Variants in ADAMTS14 observed in about 807,000 individuals in gnomAD.
The protein encoded by ADAMTS14 is A disintegrin and metalloproteinase with thrombospondin motifs 14.
In ADAMTS14, 100 loss-of-function variants were observed where a neutral mutation model predicts 128.6. The observed-to-expected ratio is 0.78, with a 90% CI of 0.66 to 0.92. The LOEUF (loss-of-function observed/expected upper bound fraction) is 0.92, where lower values mean the gene tolerates loss of function less well. Ranked by LOEUF, ADAMTS14 falls within the 40% of genes least tolerant of loss-of-function variation. The pLI is 0.00. For missense variants in ADAMTS14, 1,562 were observed against 1,658.6 expected (o/e 0.94, Z 1.01); for synonymous variants, 665 against 653.8 (o/e 1.02, Z -0.26).
At chr10:70,730,277 C>T (rs1181574237) in intron 6 of ADAMTS14, 28 bp downstream of exon 6, 1 of 1,605,854 alleles carries the variant, frequency 6.2e-7, no homozygotes, top group South Asian at 1.1e-5. Context: ...TTTGCCATGG[C>T]CAGGTGTGTG....
intron 4 of ADAMTS14, among the ~76,000 whole-genome samples, chr10:70,709,947 A>T (rs1176611699): frequency 6.6e-6 from 1 of 152,180 alleles, no homozygotes; most frequent in Non-Finnish European, 1.5e-5. Flanking sequence ...GGGTGAGAGC[A>T]TATGGCCTTT....
chr10:70,744,518 G>A (rs2132716775), intron 14 of ADAMTS14, among the ~76,000 whole-genome samples: 1 of 152,302 alleles, frequency 6.6e-6, no homozygotes, highest in African/African-American at 2.4e-5. Flanking sequence ...AGATCTAAAG[G>A]TGTAGCCAAG....
intron 4 of ADAMTS14, 99 bp from the exon 5 acceptor site, chr10:70,729,195 G>C: frequency 4.0e-6 from 4 of 1,010,278 alleles, no homozygotes; most frequent in Non-Finnish European, 4.7e-6. Context: ...ATAAGGTCAC[G>C]GTGGGGATAC....
chr10:70,715,588 G>A (rs945133326), intron 4 of ADAMTS14, among the ~76,000 whole-genome samples: 3 of 152,138 alleles, frequency 2.0e-5, no homozygotes, highest in Non-Finnish European at 4.4e-5. Flanking sequence ...CTGAGGTGGA[G>A]AGCTGAAGGC....
At chr10:70,696,228 A>G (rs1281807425) in intron 2 of ADAMTS14, among the ~76,000 whole-genome samples, 2 of 152,100 alleles carry the variant, frequency 1.3e-5, no homozygotes, top group East Asian at 1.9e-4. Context: ...TTGAGGAGGT[A>G]ACAGAGAGGT....
At chr10:70,736,274 G>A (rs929157153) in intron 9 of ADAMTS14, among the ~76,000 whole-genome samples, 3 of 5,440 alleles carry the variant, frequency 5.5e-4, no homozygotes, top group South Asian at 6.8e-3. Flanking sequence ...TGCTGGGGTG[G>A]GGGGGGTCTG....
chr10:70,757,931 G>T (rs189342682), intron 19 of ADAMTS14, 31 bp from the exon 20 acceptor site: 2 of 1,567,324 alleles, frequency 1.3e-6, no homozygotes, highest in African/African-American at 2.7e-5. Context: ...GACCCCGGCC[G>T]CTATGCCTGG....
intron 11 of ADAMTS14, 83 bp from the exon 12 acceptor site, chr10:70,740,904 G>A: frequency 7.0e-7 from 1 of 1,425,576 alleles, no homozygotes; most frequent in South Asian, 1.3e-5. Context: ...TGGCTGAGCT[G>A]CTCCTGGTGG....
At chr10:70,758,384 T>C in intron 21 of ADAMTS14, 99 bp downstream of exon 21, 1 of 1,075,786 alleles carries the variant, frequency 9.3e-7, no homozygotes, top group African/African-American at 1.6e-5. Context: ...AGCTTGTAGC[T>C]GTCTGTGTGA....
In ADAMTS14 at chr10:70,736,774, C is replaced by A; in HGVS notation, c.1580C>A (p.Thr527Asn). 6.2e-7 allele frequency: 1 copy of A among 1,613,794 alleles called. No homozygotes were observed. Among genetic ancestry groups the A allele is most frequent in the South Asian group, 1.1e-5 (1 of 91,052 alleles). Residue 527 changes from threonine to asparagine, a missense_variant, in exon 10 of 22, where the codon ACT becomes AAT. Physicochemically the swap from Thr to Asn is moderately conservative, Grantham distance 65. Coordinates refer to ENST00000373207, the MANE Select transcript of ADAMTS14 (RefSeq NM_080722.4). ...KTKKGPPLDG[T>N]ECAPGKWCFK... ...AAGAAGGGGCCCCCGCTGGATGGGACTGAGTGTGCACCCGGCAAGGTACCT... is the reference window on the plus strand; with the variant it reads ...AAGAAGGGGCCCCCGCTGGATGGGAATGAGTGTGCACCCGGCAAGGTACCT...
intron 2 of ADAMTS14, among the ~76,000 whole-genome samples, chr10:70,692,009 TC>T (rs1840206348): frequency 6.6e-6 from 1 of 152,164 alleles, no homozygotes; most frequent in Non-Finnish European, 1.5e-5. Context: ...TTTGAAAGCC[TC>T]CAGGGTTTGG....
intron 4 of ADAMTS14, among the ~76,000 whole-genome samples, chr10:70,723,805 T>TCTCTC (rs1841345698): frequency 6.6e-6 from 1 of 152,162 alleles, no homozygotes; most frequent in East Asian, 1.9e-4. Context: ...CTCCTCATTC[T>TCTCTC]CTCTCCTGGG....
At chr10:70,750,743 T>TG (rs1842325873) in intron 16 of ADAMTS14, among the ~76,000 whole-genome samples, 1 of 152,186 alleles carries the variant, frequency 6.6e-6, no homozygotes. Flanking sequence ...GGCCATTCAA[T>TG]GGGGAAAGAA....
chr10:70,673,141 A>G (rs1381776928), intron 1 of ADAMTS14, among the ~76,000 whole-genome samples: 4 of 152,232 alleles, frequency 2.6e-5, no homozygotes, highest in African/African-American at 9.6e-5. Flanking sequence ...GGAGCAGCGC[A>G]TCTGTCTCTT....
chr10:70,674,868 C>A lies in ADAMTS14; in HGVS notation c.395C>A (p.Ser132Tyr). The A allele has an allele frequency of 3.7e-6, 6 of 1,613,936 alleles. No homozygotes were observed. Among genetic ancestry groups the A allele is most frequent in the Non-Finnish European group, 5.1e-6 (6 of 1,180,038 alleles). Residue 132 changes from serine (S) to tyrosine (Y), a missense_variant, in exon 2 of 22, where the codon TCC (serine) becomes TAC (tyrosine). Coordinates refer to ENST00000373207, the MANE Select transcript of ADAMTS14 (RefSeq NM_080722.4). ...AATCGGAGGTTGGTAGTGCCAGGAT[C>A]CTCAGTGGAGTGGCAGGAGGATTTT... is the stretch of plus-strand genomic sequence containing the variant. ...RPNRRLVVPG[S>Y]SVEWQEDFRE...
At chr10:70,674,039 C>T (rs191924869) in intron 1 of ADAMTS14, among the ~76,000 whole-genome samples, 1 of 152,312 alleles carries the variant, frequency 6.6e-6, no homozygotes, top group Admixed American at 6.5e-5. Context: ...CTCCCCTCTG[C>T]AGCCCCACCT....
chr10:70,691,654 AC>A (rs1249959772), intron 2 of ADAMTS14, among the ~76,000 whole-genome samples: 2 of 151,818 alleles, frequency 1.3e-5, no homozygotes, highest in African/African-American at 4.8e-5. Flanking sequence ...TGCACTATGG[AC>A]CCCCAGCTTG....
intron 11 of ADAMTS14, among the ~76,000 whole-genome samples, chr10:70,739,560 T>A (rs190717441): frequency 1.1e-4 from 16 of 151,948 alleles, no homozygotes; most frequent in Admixed American, 1.0e-3. Flanking sequence ...TAGTTCTCCA[T>A]CTCCATCTCC....
chr10:70,735,149 T>C lies in ADAMTS14; in HGVS notation c.1353-20T>C, dbSNP rs1356005370. ...CTTCCTGCTGTCAGCCTGGCTCACC[T>C]TCCTTGTCTCTACTGGCAGCTCCTA... On this transcript the variant is annotated intron_variant, in intron 8 of 21. Coordinates refer to ENST00000373207, the MANE Select transcript of ADAMTS14 (RefSeq NM_080722.4). 1 of 1,603,588 alleles carries C rather than the reference T, an allele frequency of 6.2e-7. No homozygotes were observed. Among genetic ancestry groups the C allele is most frequent in the Non-Finnish European group, 8.5e-7 (1 of 1,172,202 alleles).
Sources: allele counts gnomAD v4.1 joint callset (sites outside exome capture counted in the v4.1 genomes callset), GRCh38; gene constraint gnomAD v4.1.1; transcripts MANE v1.5; gene names NCBI Gene and HGNC (gene_info 2026-07-23, HGNC 2026-07-21).